Variants in GPR85 observed in about 807,000 individuals in gnomAD.
GPR85 encodes the protein G protein-coupled receptor 85.
Under a neutral mutation model 21.3 loss-of-function variants are expected in GPR85, and 7 were observed. The ratio of observed to expected loss-of-function variants is 0.33; its 90% CI spans 0.19 to 0.62. GPR85 has a LOEUF of 0.62. Among genes scored for constraint, GPR85 ranks in the 20% least tolerant of loss-of-function variants. The pLI is 0.80. For synonymous variants in GPR85, 167 were observed against 166.1 expected, an observed-to-expected ratio of 1.01 and a Z score of -0.04; for missense variants, 299 against 443.8, an observed-to-expected ratio of 0.67 and a Z score of 2.93.
Position 113,085,662 on chromosome 7 carries a change from A to G in GPR85, c.-171+330T>C, listed in dbSNP as rs919715572. Among the ~76,000 whole-genome samples the G allele has an allele frequency of 5.9e-5, 9 of 152,304 alleles. 2 individuals are homozygous for G. The highest frequency in any genetic ancestry group is 1.5e-5 in the Non-Finnish European group (1 of 68,022). Reference sequence around the variant, plus strand: ...GGGCAATTAAGCCTTTCCCATTTACACTGATAACCTTTGTTGCAAATCACA... The same window carrying G: ...GGGCAATTAAGCCTTTCCCATTTACGCTGATAACCTTTGTTGCAAATCACA... On this transcript the variant is annotated intron_variant, in intron 2 of 2. Coordinates refer to ENST00000424100, the MANE Select transcript of GPR85 (RefSeq NM_001146267.2).
chr7:113,084,386 G>A lies in GPR85; in HGVS notation c.336C>T (p.Leu112=). ...VLSCFHTAFM[L]FCISVTRYLA... ...AATATCTGGTGACACTGATGCAGAA[G>A]AGCATGAAAGCAGTGTGGAAACAGG... The change falls in exon 3 of 3, where the codon CTC becomes CTT. Residue 112 remains leucine (L), a synonymous_variant. Coordinates refer to ENST00000424100, the MANE Select transcript of GPR85 (RefSeq NM_001146267.2). 1 of 1,613,630 alleles carries A rather than the reference G, an allele frequency of 6.2e-7. No homozygotes were observed. Among genetic ancestry groups the A allele is most frequent in the Non-Finnish European group, 8.5e-7 (1 of 1,179,532 alleles).
At position 113,083,391 on chromosome 7, in the gene GPR85, C is replaced by A. The variant is rs907857546; in HGVS notation, c.*218G>T. The A allele has an allele frequency of 1.9e-6, 1 of 533,364 alleles. No individual in the cohort carries two copies. The highest frequency in any genetic ancestry group is 1.9e-5 in the African/African-American group (1 of 52,346). The allele number at this position is 533,364 out of a possible 1,614,324, so 33.0% of individuals were successfully genotyped here. A position where few individuals can be genotyped will look rare whatever the true frequency, so the allele number is the denominator to read the frequency against. On this transcript the variant is annotated 3_prime_UTR_variant, in exon 3 of 3. Coordinates refer to ENST00000424100, the MANE Select transcript of GPR85 (RefSeq NM_001146267.2). The surrounding 1 kb of genome is among the most constrained non-coding windows in gnomAD (Gnocchi z 4.4). ...AAGAAACTTAGGGCAGTGGTTCAGT[C>A]CCTTCTTAATTACAAACCTTTGCTG...
In GPR85 at chr7:113,086,397, T is replaced by TTTTTTTTTTTTTTTTTTC. The variant is rs1562996764; in HGVS notation, c.-365_-364insGAAAAAAAAAAAAAAAAA. The TTTTTTTTTTTTTTTTTTC allele has an allele frequency of 6.1e-5, 1 of 16,298 alleles. No individual in the cohort carries two copies. The highest frequency in any genetic ancestry group is 2.8e-4 in the African/African-American group (1 of 3,604). 1.0% of individuals were successfully genotyped at this position (16,298 alleles called of 1,614,324 possible). On this transcript the variant is annotated 5_prime_UTR_variant, in exon 1 of 3. Transcript: ENST00000424100. ...TGATTTTTTTCTTTTTTTCTTTTTC[T>TTTTTTTTTTTTTTTTTTC]TTTTTTTTTTTTTTTTTTTGTTTTT...
upstream of GPR85, among the ~76,000 whole-genome samples, chr7:113,086,994 G>A (rs1041122811): frequency 7.2e-5 from 11 of 151,886 alleles, no homozygotes; most frequent in African/African-American, 2.7e-4. Context: ...CAGGTTAGCT[G>A]GAAAAAGACA....
At chr7:113,087,672 T>C (rs780331988), upstream of GPR85, 65 of 154,072 alleles carry the variant, frequency 4.2e-4, no homozygotes, top group Non-Finnish European at 7.3e-4. Context: ...TGCATGCTTT[T>C]TGCTTTATAA....
chr7:113,086,396 CTTTTT>C lies in GPR85; in HGVS notation c.-368_-364del, dbSNP rs869225759. ...CTGATTTTTTTCTTTTTTTCTTTTT[CTTTTT>C]TTTTTTTTTTTTTTTGTTTTTTGTT... On this transcript the variant is annotated 5_prime_UTR_variant, in exon 1 of 3. The change creates a premature stop within an existing upstream ORF in the 5' untranslated region. Transcript: ENST00000424100. 5 of 48,074 alleles carry C rather than the reference CTTTTT, an allele frequency of 1.0e-4. No individual in the cohort carries two copies. Among genetic ancestry groups the C allele is most frequent in the Non-Finnish European group, 1.4e-4 (4 of 28,130 alleles). The allele number at this position is 48,074 out of a possible 1,614,324, so 3.0% of individuals were successfully genotyped here.
chr7:113,086,430 T>TTTTTTTTTTTTG lies in GPR85; in HGVS notation c.-398_-397insCAAAAAAAAAAA, dbSNP rs1794301124. 3 of 106,552 alleles carry TTTTTTTTTTTTG rather than the reference T, an allele frequency of 2.8e-5. No individual in the cohort carries two copies. Among genetic ancestry groups the TTTTTTTTTTTTG allele is most frequent in the Admixed American group, 9.3e-5 (1 of 10,744 alleles). The allele number at this position is 106,552 out of a possible 1,614,324, so 6.6% of individuals were successfully genotyped here. On this transcript the variant is annotated 5_prime_UTR_variant, in exon 1 of 3. Coordinates refer to ENST00000424100, the MANE Select transcript of GPR85 (RefSeq NM_001146267.2). ...TTTTTTTTTTTTGTTTTTTGTTTTT[T>TTTTTTTTTTTTG]TTTTTTTTTTTTTTGCCTTAGTGCC...
rs1794303564 is a variant in GPR85 at position 113,086,432 on chromosome 7, T to TTTTTTTTG, written c.-400_-399insCAAAAAAA. 1 of 115,340 alleles carries TTTTTTTTG rather than the reference T, an allele frequency of 8.7e-6. No individual in the cohort carries two copies. The highest frequency in any genetic ancestry group is 8.7e-5 in the Admixed American group (1 of 11,488). 7.1% of individuals were successfully genotyped at this position (115,340 alleles called of 1,614,324 possible). ...TTTTTTTTTTGTTTTTTGTTTTTTT[T>TTTTTTTTG]TTTTTTTTTTTTGCCTTAGTGCCTT... On this transcript the variant is annotated 5_prime_UTR_variant, in exon 1 of 3. An upstream open reading frame in the 5' UTR loses its in-frame stop. Transcript: ENST00000424100.
In GPR85 at chr7:113,083,858, A is replaced by G. The variant is rs1308533487; in HGVS notation, c.864T>C (p.Tyr288=). The G allele has an allele frequency of 6.2e-7, 1 of 1,614,106 alleles. No homozygotes were observed. The highest frequency in any genetic ancestry group is 1.3e-5 in the African/African-American group (1 of 74,928). The change falls in exon 3 of 3, where the codon TAT becomes TAC. Residue 288 remains tyrosine, a synonymous_variant. Transcript: ENST00000424100. This position sits in a 1 kb window ranked among gnomAD's most constrained non-coding sequence, Gnocchi z 4.4. ...KMEKRISRMF[Y]IMTFLFLTLW... is the part of the protein sequence containing the mutation. ...AGGTTAGAAACAGAAAAGTCATTAT[A>G]TAGAACATTCTGCTGATTCTTTTCT... is the stretch of plus-strand genomic sequence containing the variant.
At position 113,083,422 on chromosome 7, in the gene GPR85, C is replaced by A; in HGVS notation, c.*187G>T. ...TTAATTACAAACCTTTGCTGGCAGT[C>A]AGCAGGATCACTCTGAGATTTAAAA... On this transcript the variant is annotated 3_prime_UTR_variant, in exon 3 of 3. Transcript: ENST00000424100. This position sits in a 1 kb window ranked among gnomAD's most constrained non-coding sequence, Gnocchi z 4.4. 1 of 591,878 alleles carries A rather than the reference C, an allele frequency of 1.7e-6. No individual in the cohort carries two copies. Among genetic ancestry groups the A allele is most frequent in the Non-Finnish European group, 2.9e-6 (1 of 340,414 alleles). The allele number at this position is 591,878 out of a possible 1,614,324, so 36.7% of individuals were successfully genotyped here. A position where few individuals can be genotyped will look rare whatever the true frequency, so the allele number is the denominator to read the frequency against.
At position 113,084,358 on chromosome 7, in the gene GPR85, C is replaced by T; in HGVS notation, c.364G>A (p.Ala122Thr). The change falls in exon 3 of 3, where the codon GCT becomes ACT. Residue 122 changes from alanine (A) to threonine (T), a missense_variant. By Grantham distance (58) the Ala-to-Thr change is moderately conservative (BLOSUM62 0). Coordinates refer to ENST00000424100, the MANE Select transcript of GPR85 (RefSeq NM_001146267.2). ...GTATAGAAGCGGTGATGGGCGATAG[C>T]TAAATATCTGGTGACACTGATGCAG... The part of the protein sequence containing the change: ...LFCISVTRYL[A>T]IAHHRFYTKR... 1 of 1,614,000 alleles carries T rather than the reference C, an allele frequency of 6.2e-7. No individual in the cohort carries two copies. The highest frequency in any genetic ancestry group is 8.5e-7 in the Non-Finnish European group (1 of 1,179,954).
In GPR85 at chr7:113,086,430, T is replaced by TTG. The variant is rs1794300700; in HGVS notation, c.-398_-397insCA. 9.4e-6 allele frequency: 1 copy of TTG among 106,546 alleles called. No individual in the cohort carries two copies. Among genetic ancestry groups the TTG allele is most frequent in the African/African-American group, 3.8e-5 (1 of 26,094 alleles). 6.6% of individuals were successfully genotyped at this position (106,546 alleles called of 1,614,324 possible). ...TTTTTTTTTTTTGTTTTTTGTTTTT[T>TTG]TTTTTTTTTTTTTTGCCTTAGTGCC... On this transcript the variant is annotated 5_prime_UTR_variant, in exon 1 of 3. An upstream open reading frame in the 5' UTR loses its in-frame stop. Transcript: ENST00000424100.
In GPR85 at chr7:113,084,717, G is replaced by A. The variant is rs750940166; in HGVS notation, c.5C>T (p.Ala2Val). The part of the protein sequence containing the change: M[A>V]NYSHAADNIL... ...GTTGTCAGCTGCATGGCTATAGTTC[G>A]CCATAGATGGATGGAGGATAAGGAT... Residue 2 changes from alanine to valine, a missense_variant, in exon 3 of 3, where the codon GCG (alanine) becomes GTG (valine). This residue lies in a region of GPR85 where 101 missense variants were observed against 108.4 expected (regional missense o/e 0.93). Transcript: ENST00000424100. The A allele has an allele frequency of 1.9e-6, 3 of 1,608,498 alleles. No homozygotes were observed. The highest frequency in any genetic ancestry group is 2.6e-6 in the Non-Finnish European group (3 of 1,176,454).
rs1794283401 is a variant in GPR85, at chr7:113,086,396, C to CTTTTTTTTTTTTTTTTTCTTT, written c.-364_-363insAAAGAAAAAAAAAAAAAAAAA. 2 of 48,066 alleles carry CTTTTTTTTTTTTTTTTTCTTT rather than the reference C, an allele frequency of 4.2e-5. No homozygotes were observed. The highest frequency in any genetic ancestry group is 9.1e-5 in the African/African-American group (1 of 10,958). 3.0% of individuals were successfully genotyped at this position (48,066 alleles called of 1,614,324 possible). A position where few individuals can be genotyped will look rare whatever the true frequency, so the allele number is the denominator to read the frequency against. On this transcript the variant is annotated 5_prime_UTR_variant, in exon 1 of 3. Coordinates refer to ENST00000424100, the MANE Select transcript of GPR85 (RefSeq NM_001146267.2). ...CTGATTTTTTTCTTTTTTTCTTTTT[C>CTTTTTTTTTTTTTTTTTCTTT]TTTTTTTTTTTTTTTTTTTTGTTTT...
Position 113,083,663 on chromosome 7 carries a change from G to A in GPR85, c.1059C>T (p.Thr353=), listed in dbSNP as rs904945638. 3 of 1,614,008 alleles carry A rather than the reference G, an allele frequency of 1.9e-6. No individual in the cohort carries two copies. Among genetic ancestry groups the A allele is most frequent in the East Asian group, 4.5e-5 (2 of 44,886 alleles). The change falls in exon 3 of 3, where the codon ACC becomes ACT. Residue 353 remains threonine (T), a synonymous_variant. Transcript: ENST00000424100. This position sits in a 1 kb window ranked among gnomAD's most constrained non-coding sequence, Gnocchi z 4.4. ...ACCTGGATTTTCTGCAGTAAAGAAG[G>A]GTTGTGCTGAAACAGCGCCTCAGCT... ...NRELRRCFST[T]LLYCRKSRLP...
Position 113,084,651 on chromosome 7 carries a change from A to G in GPR85, c.71T>C (p.Leu24Pro). The change falls in exon 3 of 3, where the codon CTG becomes CCG. Residue 24 changes from leucine to proline, a missense_variant. Leu to Pro is a moderately conservative substitution (Grantham distance 98). Around this residue, in one of 2 missense-constraint regions of GPR85, gnomAD observed 101 missense variants for 108.4 expected, o/e 0.93. Transcript: ENST00000424100. ...NLSPLTAFLK[L>P]TSLGFIIGVS... ...TCCTATTATGAAACCCAAGGAAGTC[A>G]GTTTCAGAAAGGCTGTTAGAGGCGA... 1 of 1,613,454 alleles carries G rather than the reference A, an allele frequency of 6.2e-7. No homozygotes were observed. Among genetic ancestry groups the G allele is most frequent in the Non-Finnish European group, 8.5e-7 (1 of 1,179,406 alleles).
chr7:113,085,508 C>T (rs776081108), intron 2 of GPR85, among the ~76,000 whole-genome samples: 1 of 152,160 alleles, frequency 6.6e-6, no homozygotes, highest in South Asian at 2.1e-4. Context: ...ATCTTTTAAG[C>T]CCACATGATT....
rs1554401514 is a variant in GPR85, at chr7:113,084,907, A to AAC, written c.-170-17_-170-16insGT. On this transcript the variant is annotated splice_polypyrimidine_tract_variant and intron_variant, in intron 2 of 2. Transcript: ENST00000424100. ...ATCAGAATATCTGAAAAAAAAAAAA[A>AAC]AAAAAACCTATCAGTTCTTAAGTTA... The AAC allele has an allele frequency of 7.2e-5, 39 of 539,312 alleles. No individual in the cohort carries two copies. The highest frequency in any genetic ancestry group is 7.0e-4 in the African/African-American group (36 of 51,468). The allele number at this position is 539,312 out of a possible 1,614,324, so 33.4% of individuals were successfully genotyped here.
At position 113,084,879 on chromosome 7, in the gene GPR85, G is replaced by C; in HGVS notation, c.-158C>G. 6 of 387,890 alleles carry C rather than the reference G, an allele frequency of 1.5e-5. No individual in the cohort carries two copies. Among genetic ancestry groups the C allele is most frequent in the Admixed American group, 4.8e-5 (1 of 20,966 alleles). 24.0% of individuals were successfully genotyped at this position (387,890 alleles called of 1,614,324 possible). A position where few individuals can be genotyped will look rare whatever the true frequency, so the allele number is the denominator to read the frequency against. On this transcript the variant is annotated 5_prime_UTR_variant, in exon 3 of 3. Transcript: ENST00000424100. ...CTTCCTCTTTTCTTCCACTTGTTTT[G>C]CCATCAGAATATCTGAAAAAAAAAA...
Sources: allele counts gnomAD v4.1 joint callset (sites outside exome capture counted in the v4.1 genomes callset), GRCh38; gene constraint gnomAD v4.1.1; regional missense constraint gnomAD v4.1.1; non-coding constraint Gnocchi (gnomAD v3.1); transcripts MANE v1.5; gene names NCBI Gene and HGNC (gene_info 2026-07-23, HGNC 2026-07-21).